Variants in RCL1 observed in about 807,000 individuals in gnomAD.
The protein encoded by RCL1 is RNA 3'-terminal phosphate cyclase-like protein.
Under a neutral mutation model 42.4 loss-of-function variants are expected in RCL1, and 24 were observed. The ratio of observed to expected loss-of-function variants is 0.57; its 90% CI spans 0.41 to 0.80. The LOEUF (loss-of-function observed/expected upper bound fraction) is 0.80. Ranked by LOEUF, RCL1 falls within the 30% of genes least tolerant of loss-of-function variation. The pLI is 0.00. For synonymous variants in RCL1, 228 were observed against 177.3 expected (o/e 1.29, Z -2.27); for missense variants, 578 against 467.9 (o/e 1.24, Z -2.17).
intron 3 of RCL1, among the ~76,000 whole-genome samples, chr9:4,831,378 A>T (rs1467525543): frequency 6.7e-6 from 1 of 150,260 alleles, no homozygotes. Context: ...CTACTTTTTC[A>T]GAATCTGACT....
At chr9:4,824,699 T>C (rs1200974474) in intron 2 of RCL1, among the ~76,000 whole-genome samples, 1 of 152,174 alleles carries the variant, frequency 6.6e-6, no homozygotes, top group East Asian at 1.9e-4. Context: ...TAAGGCAAGC[T>C]TGGGTTCATA....
Position 4,860,330 on chromosome 9 carries a change from G to A in RCL1, c.*55G>A. 1 of 1,577,058 alleles carries A rather than the reference G, an allele frequency of 6.3e-7. No homozygotes were observed. Among genetic ancestry groups the A allele is most frequent in the Non-Finnish European group, 8.6e-7 (1 of 1,162,632 alleles). The stretch of plus-strand genomic sequence containing the variant: ...TACAGACAAAGCAGAAGCTGCCACG[G>A]ACACCAATGGGACCAAGTCCAAATG... On this transcript the variant is annotated 3_prime_UTR_variant, in exon 9 of 9. Transcript: ENST00000381750.
rs553952887 is a variant in RCL1, at chr9:4,821,661, C to G, written c.137-1887C>G. 2.0e-5 allele frequency among the ~76,000 whole-genome samples: 3 copies of G among 151,864 alleles called. No individual in the cohort carries two copies. In the South Asian group the frequency reaches 6.2e-4, roughly 31 times the overall value. Reference sequence around the variant, plus strand: ...CTGGACTCATTTTTTTTTTTCCCCCCAGAGATGGGCATCTTGCTGTGTTGT... The same window carrying G: ...CTGGACTCATTTTTTTTTTTCCCCCGAGAGATGGGCATCTTGCTGTGTTGT... On this transcript the variant is annotated intron_variant, in intron 1 of 8. Transcript: ENST00000381750.
intron 3 of RCL1, among the ~76,000 whole-genome samples, chr9:4,832,695 C>G (rs1017681339): frequency 2.7e-5 from 4 of 150,058 alleles, no homozygotes; most frequent in Admixed American, 6.7e-5. Flanking sequence ...GTAGTCCCAG[C>G]TACTCAGGAG....
intron 1 of RCL1, among the ~76,000 whole-genome samples, chr9:4,813,980 T>C (rs188443977): frequency 3.2e-4 from 49 of 152,120 alleles, no homozygotes; most frequent in African/African-American, 1.2e-3. Context: ...TAGGTGGGAA[T>C]TGAACAATGA....
chr9:4,828,881 A>T (rs182205132), intron 3 of RCL1, among the ~76,000 whole-genome samples: 2 of 152,236 alleles, frequency 1.3e-5, no homozygotes, highest in African/African-American at 2.4e-5. Context: ...CTGCATGACT[A>T]AAATGACCTT....
chr9:4,797,611 A>G (rs539932070), intron 1 of RCL1, among the ~76,000 whole-genome samples: 2 of 152,352 alleles, frequency 1.3e-5, no homozygotes, highest in South Asian at 2.1e-4. Context: ...ACAGCCTCCC[A>G]CAACAAAGAA....
At chr9:4,806,017 G>GGTGTGT (rs58494209) in intron 1 of RCL1, among the ~76,000 whole-genome samples, 3,367 of 142,726 alleles carry the variant, frequency 0.024, 55 homozygotes, top group East Asian at 0.058. Context: ...ATACCATTGG[G>GGTGTGT]GTGTGTGTGT....
Position 4,793,054 on chromosome 9 carries a change from G to T in RCL1, c.-38G>T, listed in dbSNP as rs756103091. 3 of 1,584,342 alleles carry T rather than the reference G, an allele frequency of 1.9e-6. No individual in the cohort carries two copies. Among genetic ancestry groups the T allele is most frequent in the East Asian group, 2.3e-5 (1 of 42,956 alleles). On this transcript the variant is annotated 5_prime_UTR_variant, in exon 1 of 9. Coordinates refer to ENST00000381750, the MANE Select transcript of RCL1 (RefSeq NM_005772.5). The stretch of plus-strand genomic sequence containing the variant: ...AGTCCCGCGTCTGTCCGAAGTCGCC[G>T]CTCTCGGGCTGCTCACGTCTCTTCG...
At chr9:4,850,612 C>G (rs564528954) in intron 8 of RCL1, among the ~76,000 whole-genome samples, 7 of 150,772 alleles carry the variant, frequency 4.6e-5, no homozygotes, top group African/African-American at 1.7e-4. Context: ...GTAAGGACCA[C>G]ATTATCTCCT....
intron 8 of RCL1, among the ~76,000 whole-genome samples, chr9:4,859,212 G>A (rs1587740880): frequency 6.6e-6 from 1 of 152,186 alleles, no homozygotes; most frequent in South Asian, 2.1e-4. Flanking sequence ...TTGGACTGAT[G>A]CCATCGCCCT....
intron 7 of RCL1, among the ~76,000 whole-genome samples, chr9:4,847,580 G>T (rs1817565785): frequency 1.3e-5 from 2 of 152,130 alleles, no homozygotes; most frequent in Admixed American, 1.3e-4. Flanking sequence ...TATGGCCACT[G>T]GCTCTCTGCA....
intron 1 of RCL1, among the ~76,000 whole-genome samples, chr9:4,819,657 A>G (rs957723038): frequency 2.6e-5 from 4 of 152,180 alleles, no homozygotes; most frequent in African/African-American, 4.8e-5. Flanking sequence ...AAATACAAAA[A>G]TTAGCTGGGC....
intron 1 of RCL1, among the ~76,000 whole-genome samples, chr9:4,818,604 C>T (rs750560302): frequency 4.6e-5 from 7 of 152,068 alleles, no homozygotes; most frequent in South Asian, 2.1e-4. Context: ...GAAATCCGGC[C>T]GGGCTAGGTG....
chr9:4,839,806 G>A, intron 5 of RCL1: 2 of 972,490 alleles, frequency 2.1e-6, no homozygotes, highest in Non-Finnish European at 2.4e-6. Context: ...TATAGAGTGT[G>A]TGGTCTCATT....
Position 4,860,572 on chromosome 9 carries a change from G to C in RCL1, c.*297G>C, listed in dbSNP as rs554464860. The C allele has an allele frequency of 2.3e-4, 68 of 294,224 alleles. No individual in the cohort carries two copies. Among genetic ancestry groups the C allele is most frequent in the African/African-American group, 1.4e-3 (62 of 44,834 alleles). 18.2% of individuals were successfully genotyped at this position (294,224 alleles called of 1,614,324 possible). A position where few individuals can be genotyped will look rare whatever the true frequency, so the allele number is the denominator to read the frequency against. On this transcript the variant is annotated 3_prime_UTR_variant, in exon 9 of 9. Transcript: ENST00000381750. ...GTCGTGCTGCTAGAACAGTCTCGTAGCTGCAGTTCAGCTGTGCTTCCTCAG... is the reference window on the plus strand; with the variant it reads ...GTCGTGCTGCTAGAACAGTCTCGTACCTGCAGTTCAGCTGTGCTTCCTCAG...
At chr9:4,838,628 T>C (rs775876669) in intron 5 of RCL1, among the ~76,000 whole-genome samples, 6 of 152,146 alleles carry the variant, frequency 3.9e-5, no homozygotes, top group Admixed American at 6.5e-5. Context: ...ACATGGAACA[T>C]TGGGGAAGGG....
In RCL1 at chr9:4,807,463, T is replaced by G. The variant is rs183414892; in HGVS notation, c.136+14236T>G. Among the ~76,000 whole-genome samples the G allele has an allele frequency of 2.0e-5, 3 of 152,354 alleles. No individual in the cohort carries two copies. In the East Asian group the frequency reaches 5.8e-4, roughly 29 times the overall value. Reference sequence around the variant, plus strand: ...GGTATATTTCATTTTAGTTTTCATTTAGGTCAACGTAATTTTTATTTTCTT... The same window carrying G: ...GGTATATTTCATTTTAGTTTTCATTGAGGTCAACGTAATTTTTATTTTCTT... On this transcript the variant is annotated intron_variant, in intron 1 of 8. Transcript: ENST00000381750.
rs559639258 is a variant in RCL1, at chr9:4,805,679, G to A, written c.136+12452G>A. Among the ~76,000 whole-genome samples, 5 of 152,220 alleles carry A rather than the reference G, an allele frequency of 3.3e-5. No homozygotes were observed. In the East Asian group the frequency reaches 9.7e-4, roughly 29 times the overall value. On this transcript the variant is annotated intron_variant, in intron 1 of 8. Transcript: ENST00000381750. ...GCTGGTCAGGTGACTGGCAGTGGTG[G>A]GTGTAGCTGAGGGCTTGCGGGTGGT... is the stretch of plus-strand genomic sequence containing the variant.
Sources: gnomAD v4.1 joint callset for allele counts (sites outside exome capture counted in the v4.1 genomes callset) on GRCh38, gnomAD v4.1.1 for gene constraint, MANE v1.5 for transcripts, NCBI Gene and HGNC (gene_info 2026-07-23, HGNC 2026-07-21) for gene names.